Variants in GABRB1 observed in about 807,000 individuals in gnomAD.
GABRB1 encodes the protein gamma-aminobutyric acid type A receptor subunit beta1, also known as gamma-aminobutyric acid receptor subunit beta-1.
Under a neutral mutation model 51.6 loss-of-function variants are expected in GABRB1, and 17 were observed. The ratio of observed to expected loss-of-function variants is 0.33; its 90% CI spans 0.23 to 0.49. The LOEUF (loss-of-function observed/expected upper bound fraction) is 0.49, where lower values mean the gene tolerates loss of function less well. Ranked by LOEUF, GABRB1 falls within the 20% of genes least tolerant of loss-of-function variation. The probability of loss-of-function intolerance (pLI) is 0.99; values close to 1 mark genes in which losing one functional copy is unlikely to be tolerated. For missense variants in GABRB1, 410 were observed against 600.6 expected, an observed-to-expected ratio of 0.68 and a Z score of 3.32; for synonymous variants, 247 against 218.9, an observed-to-expected ratio of 1.13 and a Z score of -1.14.
chr4:47,067,411 G>C (rs993818503), intron 3 of GABRB1, among the ~76,000 whole-genome samples: 1 of 152,166 alleles, frequency 6.6e-6, no homozygotes, highest in African/African-American at 2.4e-5. Flanking sequence ...CTAGCTATGA[G>C]AGTTCTAGAT....
chr4:47,234,402 G>A lies in GABRB1; in HGVS notation c.461+72933G>A, dbSNP rs567832932. 3.3e-5 allele frequency among the ~76,000 whole-genome samples: 5 copies of A among 151,922 alleles called. No homozygotes were observed. The East Asian group carries it at 5.8e-4, about 18-fold the overall frequency. The stretch of plus-strand genomic sequence containing the variant: ...CTCAGGAGGCTGAGGCAGGAGAATC[G>A]CTTGAACCCGGGAGGCTGATGTTGC... On this transcript the variant is annotated intron_variant, in intron 4 of 8. Transcript: ENST00000295454.
intron 4 of GABRB1, among the ~76,000 whole-genome samples, chr4:47,299,249 T>G (rs948542729): frequency 2.6e-5 from 4 of 152,188 alleles, no homozygotes; most frequent in Non-Finnish European, 4.4e-5. Context: ...GGGATCTCAT[T>G]AAACTAAAGA....
At chr4:47,199,066 G>A (rs1263720154) in intron 4 of GABRB1, among the ~76,000 whole-genome samples, 1 of 152,132 alleles carries the variant, frequency 6.6e-6, no homozygotes, top group Admixed American at 6.6e-5. Context: ...AGATTTAGGT[G>A]GGGGCACAGA....
At chr4:47,078,621 C>T (rs987529484) in intron 3 of GABRB1, among the ~76,000 whole-genome samples, 2 of 152,088 alleles carry the variant, frequency 1.3e-5, no homozygotes, top group Non-Finnish European at 2.9e-5. Flanking sequence ...GTCTTTCTTA[C>T]GAGATTACTT....
At chr4:47,322,821 A>C (rs186429213) in intron 5 of GABRB1, among the ~76,000 whole-genome samples, 6 of 152,174 alleles carry the variant, frequency 3.9e-5, no homozygotes, top group African/African-American at 1.4e-4. Context: ...AAATACAAAA[A>C]TTAGCTGGGT....
At chr4:47,407,452 A>T (rs1169189445) in intron 8 of GABRB1, among the ~76,000 whole-genome samples, 1 of 152,040 alleles carries the variant, frequency 6.6e-6, no homozygotes, top group East Asian at 1.9e-4. Flanking sequence ...TGTTTTAAGA[A>T]CTCTGTTTTT....
intron 3 of GABRB1, among the ~76,000 whole-genome samples, chr4:47,148,243 A>G (rs1717265442): frequency 6.6e-6 from 1 of 152,024 alleles, no homozygotes; most frequent in East Asian, 1.9e-4. Context: ...GTCAATGAGA[A>G]TGAGGGTGGA....
chr4:47,157,012 T>C (rs1220469341), intron 3 of GABRB1, among the ~76,000 whole-genome samples: 1 of 152,086 alleles, frequency 6.6e-6, no homozygotes, highest in African/African-American at 2.4e-5. Context: ...TGGAGTTTCA[T>C]TGAGTGCTAC....
At chr4:47,186,334 A>C (rs1719182658) in intron 4 of GABRB1, among the ~76,000 whole-genome samples, 1 of 151,828 alleles carries the variant, frequency 6.6e-6, no homozygotes, top group South Asian at 2.1e-4. Context: ...TATCATGCAT[A>C]TTAAGTATCA....
chr4:47,090,060 A>G (rs1473172416), intron 3 of GABRB1, among the ~76,000 whole-genome samples: 3 of 152,186 alleles, frequency 2.0e-5, no homozygotes, highest in Non-Finnish European at 4.4e-5. Flanking sequence ...AAATTTTCTC[A>G]TGATGAAACT....
At chr4:47,202,382 C>A (rs1193067542) in intron 4 of GABRB1, among the ~76,000 whole-genome samples, 1 of 152,114 alleles carries the variant, frequency 6.6e-6, no homozygotes, top group African/African-American at 2.4e-5. Flanking sequence ...TTATAAATTA[C>A]CCAGTCTCAG....
rs1726927857 is a variant in GABRB1 at position 47,365,001 on chromosome 4, T to G, written c.545-38317T>G. 2.6e-5 allele frequency among the ~76,000 whole-genome samples: 4 copies of G among 152,190 alleles called. No homozygotes were observed. In the South Asian group the frequency reaches 6.2e-4, roughly 24 times the overall value. ...AAGAAATTCTAAAATAATATCAGGA[T>G]GCTGATTTGCACCACAGAATATGTT... On this transcript the variant is annotated intron_variant, in intron 5 of 8. Transcript: ENST00000295454.
chr4:47,123,659 A>AATATATATGATATGATATATC (rs1244998539), intron 3 of GABRB1, among the ~76,000 whole-genome samples: 1 of 77,744 alleles, frequency 1.3e-5, no homozygotes, highest in South Asian at 4.2e-4. Context: ...TATATATATA[A>AATATATATGATATGATATATC]ATATATATGA....
chr4:47,032,418 G>GC lies in GABRB1; in HGVS notation c.180dup (p.Val61ArgfsTer51). 1.3e-6 allele frequency: 2 copies of GC among 1,584,428 alleles called. No homozygotes were observed. The highest frequency in any genetic ancestry group is 1.2e-5 in the South Asian group (1 of 86,444). On this transcript the variant is annotated frameshift_variant and splice_region_variant, in exon 3 of 9. Coordinates refer to ENST00000295454, the MANE Select transcript of GABRB1 (RefSeq NM_000812.4). LOFTEE classifies it high-confidence loss of function. ...TAATGTGGCCCACCTCCCCGGCAGG[G>GC]CCCCCCGTCGACGTTGGGATGCGGA...
intron 3 of GABRB1, among the ~76,000 whole-genome samples, chr4:47,102,961 G>A (rs139141940): frequency 2.4e-4 from 36 of 152,102 alleles, no homozygotes; most frequent in Non-Finnish European, 5.3e-4. Flanking sequence ...TGATTACCTA[G>A]AGGCAGGAAT....
chr4:47,361,137 A>G (rs1726791343), intron 5 of GABRB1, among the ~76,000 whole-genome samples: 4 of 152,066 alleles, frequency 2.6e-5, no homozygotes, highest in Admixed American at 2.6e-4. Context: ...TAGTGACAAG[A>G]AAAAAATAGT....
intron 3 of GABRB1, among the ~76,000 whole-genome samples, chr4:47,121,115 T>A (rs1715757090): frequency 6.6e-6 from 1 of 152,120 alleles, no homozygotes; most frequent in Non-Finnish European, 1.5e-5. Flanking sequence ...GTGGCAAAGC[T>A]TAGTAAAACT....
chr4:47,269,660 T>C (rs1722777133), intron 4 of GABRB1, among the ~76,000 whole-genome samples: 1 of 152,116 alleles, frequency 6.6e-6, no homozygotes, highest in Non-Finnish European at 1.5e-5. Flanking sequence ...TATGCTCTTT[T>C]GTTTTCTTTC....
chr4:47,246,278 A>ATC (rs1721735333), intron 4 of GABRB1, among the ~76,000 whole-genome samples: 1 of 57,604 alleles, frequency 1.7e-5, no homozygotes, highest in African/African-American at 6.9e-5. Flanking sequence ...GTATTCCATC[A>ATC]TATATATATA....
Sources: gnomAD v4.1 joint callset for allele counts (sites outside exome capture counted in the v4.1 genomes callset) on GRCh38, gnomAD v4.1.1 for gene constraint, MANE v1.5 for transcripts, NCBI Gene and HGNC (gene_info 2026-07-23, HGNC 2026-07-21) for gene names.